KIF1A: variants seen among roughly 807,000 people sequenced by gnomAD.
The protein encoded by KIF1A is kinesin-like protein KIF1A.
Under a neutral mutation model 227.3 loss-of-function variants are expected in KIF1A, and 46 were observed. The ratio of observed to expected loss-of-function variants is 0.20; its 90% CI spans 0.16 to 0.26. The LOEUF is 0.26. KIF1A is among the 10% of genes least tolerant of loss of function. KIF1A has a pLI of 1.00. For synonymous variants in KIF1A, 1,022 were observed against 1,012.8 expected (o/e 1.01, Z -0.17); for missense variants, 1,683 against 2,485.9 (o/e 0.68, Z 6.87).
At chr2:240,734,655 G>C in intron 38 of KIF1A, 1 of 1,234,300 alleles carries the variant, frequency 8.1e-7, no homozygotes, top group South Asian at 1.3e-5. Context: ...GGTCAGGGGA[G>C]GAGCAGGGAG....
intron 1 of KIF1A, among the ~76,000 whole-genome samples, chr2:240,818,438 C>T (rs919105987): frequency 6.6e-6 from 1 of 152,190 alleles, no homozygotes; most frequent in Non-Finnish European, 1.5e-5. Flanking sequence ...AAACAAGGAA[C>T]CCCTCTAAAT....
At chr2:240,811,233 C>CA (rs1246378822) in intron 1 of KIF1A, among the ~76,000 whole-genome samples, 1 of 152,056 alleles carries the variant, frequency 6.6e-6, no homozygotes, top group African/African-American at 2.4e-5. Flanking sequence ...AGCGTGGTGG[C>CA]AGGCACCCAT....
At chr2:240,763,424 GGAGAAAGGGGAACGGGTGCAGGCACCCC>G in intron 20 of KIF1A, 78 bp from the exon 21 acceptor site, 1 of 1,374,080 alleles carries the variant, frequency 7.3e-7, no homozygotes, top group Non-Finnish European at 9.9e-7. Context: ...GGAGGCGTGA[GGAGAAAGGGGAACGGGTGCAGGCACCCC>G]ACCATCCCCA....
chr2:240,719,713 C>T, intron 46 of KIF1A, 61 bp downstream of exon 46: 1 of 1,447,596 alleles, frequency 6.9e-7, no homozygotes, highest in East Asian at 2.6e-5. Flanking sequence ...AGCAGGGTGG[C>T]CTGCCTGTCC....
intron 38 of KIF1A, among the ~76,000 whole-genome samples, chr2:240,728,091 C>T (rs568015434): frequency 5.9e-5 from 9 of 152,332 alleles, no homozygotes; most frequent in East Asian, 1.9e-4. Flanking sequence ...GGCTCCAAGG[C>T]GGCCGGGCCC....
In KIF1A at chr2:240,715,126, C is replaced by G. The variant is rs1192053263; in HGVS notation, c.*2238G>C. On this transcript the variant is annotated 3_prime_UTR_variant, in exon 49 of 49. Coordinates refer to ENST00000498729, the MANE Select transcript of KIF1A (RefSeq NM_001244008.2). The stretch of plus-strand genomic sequence containing the variant: ...GGGCCCGTGGGGCTCCCCCTCATCT[C>G]AGACCAGCGTGTCCTGCCCTGCCTC... 3 of 152,488 alleles carry G rather than the reference C, an allele frequency of 2.0e-5. No individual in the cohort carries two copies. Among genetic ancestry groups the G allele is most frequent in the Non-Finnish European group, 4.4e-5 (3 of 68,124 alleles). 9.4% of individuals were successfully genotyped at this position (152,488 alleles called of 1,614,324 possible).
In KIF1A at chr2:240,725,571, G is replaced by T. The variant is rs2045918942; in HGVS notation, c.4123-167C>A. ...CAGGCAGGAGAAAGTCTCTGCTCCT[G>T]CCCTCGAGAAAACCCCACTGGGGAC... On this transcript the variant is annotated intron_variant, in intron 39 of 48. Transcript: ENST00000498729. This position sits in a 1 kb window ranked among gnomAD's most constrained non-coding sequence, Gnocchi z 5.8. 2 of 695,062 alleles carry T rather than the reference G, an allele frequency of 2.9e-6. No individual in the cohort carries two copies. Among genetic ancestry groups the T allele is most frequent in the African/African-American group, 1.8e-5 (1 of 55,300 alleles). 43.1% of individuals were successfully genotyped at this position (695,062 alleles called of 1,614,324 possible). A position where few individuals can be genotyped will look rare whatever the true frequency, so the allele number is the denominator to read the frequency against.
intron 38 of KIF1A, among the ~76,000 whole-genome samples, chr2:240,735,832 C>A (rs371304856): frequency 1.9e-4 from 29 of 152,136 alleles, no homozygotes; most frequent in Non-Finnish European, 3.2e-4. Context: ...CGTGCTCCCC[C>A]CTCATGGCAC....
At chr2:240,735,255 G>A (rs1208066562) in intron 38 of KIF1A, among the ~76,000 whole-genome samples, 1 of 152,176 alleles carries the variant, frequency 6.6e-6, no homozygotes, top group Non-Finnish European at 1.5e-5. Context: ...CTTGACCCCA[G>A]AACAGGGCTG....
intron 12 of KIF1A, 148 bp downstream of exon 12, chr2:240,774,035 A>G: frequency 2.1e-6 from 1 of 483,764 alleles, no homozygotes; most frequent in Non-Finnish European, 3.7e-6. Context: ...GAGCCTCAGA[A>G]CAGTCTCTTC....
In KIF1A at chr2:240,807,090, G is replaced by A. The variant is rs866896411; in HGVS notation, c.-60-9278C>T. Among the ~76,000 whole-genome samples, 152 of 89,174 alleles carry A rather than the reference G, an allele frequency of 1.7e-3. 1 individual carries two copies. Among genetic ancestry groups the A allele is most frequent in the South Asian group, 4.2e-3 (13 of 3,126 alleles). 58.5% of individuals were successfully genotyped at this position (89,174 alleles called of 152,430 possible). ...CATCCTCATATATATGTGTGTGTGT[G>A]TGTGTGTGTGTGTGTGTGTGTGTGT... On this transcript the variant is annotated intron_variant, in intron 1 of 48. Coordinates refer to ENST00000498729, the MANE Select transcript of KIF1A (RefSeq NM_001244008.2).
At chr2:240,743,053 G>T in intron 33 of KIF1A, 69 bp from the exon 34 acceptor site, 1 of 1,282,914 alleles carries the variant, frequency 7.8e-7, no homozygotes. Context: ...GGAGACAGAA[G>T]GGCTACAGGC....
chr2:240,750,681 C>T lies in KIF1A; in HGVS notation c.2859-134G>A, dbSNP rs528007890. ...GAGGGAAGCCGCCGGACAGGACAGC[C>T]AAGGCCAGGACAGCAAGAGCGGGCG... On this transcript the variant is annotated intron_variant, in intron 27 of 48. Coordinates refer to ENST00000498729, the MANE Select transcript of KIF1A (RefSeq NM_001244008.2). 75 of 675,280 alleles carry T rather than the reference C, an allele frequency of 1.1e-4. No individual in the cohort carries two copies. The East Asian group carries it at 1.2e-3, about 11-fold the overall frequency. 41.8% of individuals were successfully genotyped at this position (675,280 alleles called of 1,614,324 possible). A position where few individuals can be genotyped will look rare whatever the true frequency, so the allele number is the denominator to read the frequency against.
rs151124357 is a variant in KIF1A, at chr2:240,806,124, C to A, written c.-60-8312G>T. ...GCACATACTAGGTGAGCCCTGTGAT[C>A]ACTCCAAATCTGCCTGGAGGCAGGC... On this transcript the variant is annotated intron_variant, in intron 1 of 48. Coordinates refer to ENST00000498729, the MANE Select transcript of KIF1A (RefSeq NM_001244008.2). Among the ~76,000 whole-genome samples the A allele has an allele frequency of 4.3e-3, 654 of 152,354 alleles. 4 individuals carry two copies. Among genetic ancestry groups the A allele is most frequent in the Admixed American group, 7.6e-3 (116 of 15,306 alleles).
rs544177108 is a variant in KIF1A at position 240,729,040 on chromosome 2, G to A, written c.4008-2100C>T. Among the ~76,000 whole-genome samples, 9 of 152,114 alleles carry A rather than the reference G, an allele frequency of 5.9e-5. No homozygotes were observed. The South Asian group carries it at 1.5e-3, about 25-fold the overall frequency. On this transcript the variant is annotated intron_variant, in intron 38 of 48. Transcript: ENST00000498729. ...TCCCTGTCTGGAACACGTCAGCATC[G>A]CTGTCTGGTACACGTCAGCACCGCT...
Position 240,738,725 on chromosome 2 carries a change from G to A in KIF1A, c.3901+1333C>T, listed in dbSNP as rs1049967023. 1.1e-4 allele frequency among the ~76,000 whole-genome samples: 17 copies of A among 152,324 alleles called. No homozygotes were observed. In the Middle Eastern group the frequency reaches 0.02, roughly 183 times the overall value. On this transcript the variant is annotated intron_variant, in intron 37 of 48. Coordinates refer to ENST00000498729, the MANE Select transcript of KIF1A (RefSeq NM_001244008.2). ...CCCACATAAACAGACACTCCTGTTGGCCTTTTTAGAAAGAAGGTGGGGAGA... is the reference window on the plus strand; with the variant it reads ...CCCACATAAACAGACACTCCTGTTGACCTTTTTAGAAAGAAGGTGGGGAGA...
In KIF1A at chr2:240,736,537, A is replaced by G. The variant is rs1037305722; in HGVS notation, c.4007+526T>C. ...AGACATCCCAGAGCGCCAAAACCCC[A>G]GCCTAAATGCGGTCGGGCTGGGACC... On this transcript the variant is annotated intron_variant, in intron 38 of 48. Coordinates refer to ENST00000498729, the MANE Select transcript of KIF1A (RefSeq NM_001244008.2). This position sits in a 1 kb window ranked among gnomAD's most constrained non-coding sequence, Gnocchi z 4.7. 2.0e-5 allele frequency among the ~76,000 whole-genome samples: 3 copies of G among 152,156 alleles called. No homozygotes were observed. Among genetic ancestry groups the G allele is most frequent in the African/African-American group, 7.2e-5 (3 of 41,442 alleles).
chr2:240,745,951 A>G (rs2048547172), intron 30 of KIF1A, 42 bp from the exon 31 acceptor site: 1 of 1,592,048 alleles, frequency 6.3e-7, no homozygotes, highest in Non-Finnish European at 8.6e-7. Flanking sequence ...TCCAGGCCAT[A>G]TTGTCTTCCA....
intron 23 of KIF1A, among the ~76,000 whole-genome samples, chr2:240,762,459 G>C (rs921401447): frequency 2.0e-5 from 3 of 152,242 alleles, no homozygotes; most frequent in Admixed American, 6.5e-5. Flanking sequence ...GTACATGTGT[G>C]CACGTGAATG....
Sources: allele counts gnomAD v4.1 joint callset (sites outside exome capture counted in the v4.1 genomes callset), GRCh38; gene constraint gnomAD v4.1.1; non-coding constraint Gnocchi (gnomAD v3.1); transcripts MANE v1.5; gene names NCBI Gene and HGNC (gene_info 2026-07-23, HGNC 2026-07-21).